The following GARIN1B variants were observed in gnomAD, a reference collection of about 807,000 sequenced individuals.
GARIN1B encodes the protein golgi associated RAB2 interactor 1B, also known as Golgi-associated RAB2 interactor protein 1B.
At chr7:128,730,999 T>A in the GARIN1B span, 1 of 1,094,422 alleles carries the variant, frequency 9.1e-7, no homozygotes, top group South Asian at 1.2e-5. Context: ...TTATAGATAG[T>A]TGACAATTTT....
At chr7:128,723,514 A>C in the GARIN1B span, 2 of 418,050 alleles carry the variant, frequency 4.8e-6, no homozygotes, top group Non-Finnish European at 4.2e-6. Context: ...GGAATTTGAG[A>C]CCAGCCTGGC....
chr7:128,730,068 A>G, the GARIN1B span: 1 of 1,612,582 alleles, frequency 6.2e-7, no homozygotes, highest in Non-Finnish European at 8.5e-7. Flanking sequence ...CCCCACCCAT[A>G]GGTACAGCAA....
At chr7:128,711,640 T>C in the GARIN1B span, among the ~76,000 whole-genome samples, 1 of 145,652 alleles carries the variant, frequency 6.9e-6, no homozygotes, top group Non-Finnish European at 1.5e-5. Context: ...TAAAGTATGA[T>C]CTCATTTTGG....
At chr7:128,728,309 G>A in the GARIN1B span, among the ~76,000 whole-genome samples, 1 of 152,240 alleles carries the variant, frequency 6.6e-6, no homozygotes, top group Admixed American at 6.5e-5. Flanking sequence ...GGGCATGATG[G>A]TGCGTACCTG....
chr7:128,724,411 A>G, the GARIN1B span, among the ~76,000 whole-genome samples: 1 of 151,928 alleles, frequency 6.6e-6, no homozygotes, highest in African/African-American at 2.4e-5. Context: ...TTACCTACTC[A>G]CCCAAGGTCT....
chr7:128,713,950 G>T, the GARIN1B span: 2 of 1,521,648 alleles, frequency 1.3e-6, no homozygotes, highest in Non-Finnish European at 1.8e-6. Flanking sequence ...GCAAACCAAA[G>T]GATGTGGTCT....
the GARIN1B span, among the ~76,000 whole-genome samples, chr7:128,719,628 A>G: frequency 6.7e-6 from 1 of 150,168 alleles, no homozygotes; most frequent in Admixed American, 6.6e-5. Flanking sequence ...AGTTTCATCC[A>G]TATTGTAGCA....
At chr7:128,718,886 C>T in the GARIN1B span, 1 of 1,614,014 alleles carries the variant, frequency 6.2e-7, no homozygotes, top group Admixed American at 1.7e-5. Context: ...TCAACGCATC[C>T]TGCAGTTGAG....
At chr7:128,719,027 C>A in the GARIN1B span, 1 of 1,614,144 alleles carries the variant, frequency 6.2e-7, no homozygotes, top group South Asian at 1.1e-5. Flanking sequence ...CCCTAGGATT[C>A]TTGTCACGCA....
chr7:128,723,322 C>T, the GARIN1B span: 1 of 1,610,756 alleles, frequency 6.2e-7, no homozygotes, highest in Non-Finnish European at 8.5e-7. Context: ...AGTTGAGGTA[C>T]ATGACTTAAA....
At chr7:128,730,988 A>G in the GARIN1B span, 1 of 981,378 alleles carries the variant, frequency 1.0e-6, no homozygotes, top group East Asian at 2.4e-5. Flanking sequence ...TAAGATACCT[A>G]TTATAGATAG....
the GARIN1B span, chr7:128,715,373 G>A: frequency 6.4e-7 from 1 of 1,573,222 alleles, no homozygotes; most frequent in South Asian, 1.2e-5. Flanking sequence ...TTGGCCAGCT[G>A]CCCAAGGCCA....
At chr7:128,720,133 C>G in the GARIN1B span, among the ~76,000 whole-genome samples, 1 of 151,258 alleles carries the variant, frequency 6.6e-6, no homozygotes, top group Non-Finnish European at 1.5e-5. Context: ...CTTTCATTTT[C>G]TTAATGATGT....
the GARIN1B span, chr7:128,730,214 C>G: frequency 2.1e-6 from 2 of 962,548 alleles, no homozygotes; most frequent in Non-Finnish European, 3.0e-6. Flanking sequence ...GACCTCAGCC[C>G]TCTTTTCCCA....
chr7:128,714,532 C>G, the GARIN1B span, among the ~76,000 whole-genome samples: 1 of 151,680 alleles, frequency 6.6e-6, no homozygotes, highest in Non-Finnish European at 1.5e-5. Flanking sequence ...GAGCCGAGAT[C>G]GCGCACATTG....
the GARIN1B span, among the ~76,000 whole-genome samples, chr7:128,722,661 A>G: frequency 2.0e-5 from 3 of 151,966 alleles, no homozygotes; most frequent in Non-Finnish European, 4.4e-5. Context: ...AAAATTAGCT[A>G]GGTGTGGTGG....
At chr7:128,711,512 T>C in the GARIN1B span, among the ~76,000 whole-genome samples, 1 of 152,090 alleles carries the variant, frequency 6.6e-6, no homozygotes, top group Admixed American at 6.6e-5. Context: ...TAATTTTGGT[T>C]AATTGGAGAA....
chr7:128,713,834 C>A, the GARIN1B span: 1 of 587,476 alleles, frequency 1.7e-6, no homozygotes, highest in Non-Finnish European at 2.9e-6. Context: ...AACCAATGAG[C>A]TTTATTGTTG....
the GARIN1B span, among the ~76,000 whole-genome samples, chr7:128,717,485 C>T: frequency 3.1e-4 from 46 of 146,120 alleles, no homozygotes; most frequent in South Asian, 2.4e-3. Flanking sequence ...AAAAGACTAT[C>T]GCCCAGGCTG....
Sources: gnomAD v4.1 joint callset for allele counts (sites outside exome capture counted in the v4.1 genomes callset) on GRCh38, gnomAD v4.1.1 for gene constraint, MANE v1.5 for transcripts, NCBI Gene and HGNC (gene_info 2026-07-23, HGNC 2026-07-21) for gene names.